The following NUP210L variants were observed in gnomAD, a reference collection of about 807,000 sequenced individuals.
NUP210L encodes nuclear pore membrane glycoprotein 210-like.
In NUP210L, 74 loss-of-function variants were observed where a neutral mutation model predicts 208.5. The ratio of observed to expected loss-of-function variants is 0.35; its 90% CI spans 0.29 to 0.43. The LOEUF is 0.43. Among genes scored for constraint, NUP210L ranks in the 20% least tolerant of loss-of-function variants. NUP210L has a pLI of 1.00. For missense variants in NUP210L, 1,843 were observed against 2,289.4 expected, an observed-to-expected ratio of 0.81 and a Z score of 3.98; for synonymous variants, 780 against 816.9, an observed-to-expected ratio of 0.95 and a Z score of 0.77.
chr1:154,126,540 A>G, intron 9 of NUP210L, 77 bp from the exon 10 acceptor site: 1 of 1,275,808 alleles, frequency 7.8e-7, no homozygotes, highest in Non-Finnish European at 1.1e-6. Flanking sequence ...CAAAGCATCT[A>G]TAAAACTGTA....
At chr1:154,104,259 C>T in intron 12 of NUP210L, 49 bp from the exon 13 acceptor site, 1 of 1,537,392 alleles carries the variant, frequency 6.5e-7, no homozygotes, top group Non-Finnish European at 9.0e-7. Context: ...AAAAAAAAGT[C>T]TTAGGAGGAG....
chr1:154,130,269 G>T (rs1323567126), intron 7 of NUP210L, among the ~76,000 whole-genome samples: 1 of 152,016 alleles, frequency 6.6e-6, no homozygotes, highest in South Asian at 2.1e-4. Context: ...AACCCAGGAG[G>T]CAGAGGTTGC....
intron 12 of NUP210L, among the ~76,000 whole-genome samples, chr1:154,112,241 T>A (rs1026906385): frequency 2.6e-5 from 4 of 152,114 alleles, no homozygotes; most frequent in Admixed American, 1.3e-4. Context: ...CAACACATTT[T>A]TTTTAAAAAT....
intron 1 of NUP210L, among the ~76,000 whole-genome samples, chr1:154,153,129 C>T (rs1393136499): frequency 6.6e-6 from 1 of 152,026 alleles, no homozygotes; most frequent in African/African-American, 2.4e-5. Context: ...ATTCTTCCCT[C>T]AGTATGCAGA....
At chr1:154,087,821 A>C (rs1655701045) in intron 16 of NUP210L, among the ~76,000 whole-genome samples, 2 of 152,210 alleles carry the variant, frequency 1.3e-5, no homozygotes, top group East Asian at 3.8e-4. Context: ...TAAATGAAAG[A>C]AGCTAGGCAC....
chr1:154,114,993 G>A (rs971851786), intron 12 of NUP210L, among the ~76,000 whole-genome samples: 9 of 152,016 alleles, frequency 5.9e-5, no homozygotes, highest in African/African-American at 9.6e-5. Flanking sequence ...CAATCAAATC[G>A]GATTGATTTA....
At chr1:154,130,008 C>T (rs1658163376) in intron 7 of NUP210L, among the ~76,000 whole-genome samples, 1 of 152,038 alleles carries the variant, frequency 6.6e-6, no homozygotes, top group African/African-American at 2.4e-5. Flanking sequence ...AAATATACTA[C>T]ATCCAAAAGC....
rs73012882 is a variant in NUP210L, at chr1:154,145,747, C to T, written c.341-2170G>A. ...TTAGAATTGAAGATATCAGTATGAG[C>T]TCATGTTTATTTTAATATCTATGCA... On this transcript the variant is annotated intron_variant, in intron 2 of 39. Transcript: ENST00000368559. Among the ~76,000 whole-genome samples, 327 of 152,174 alleles carry T rather than the reference C, an allele frequency of 2.1e-3. 1 individual carries two copies. Among genetic ancestry groups the T allele is most frequent in the African/African-American group, 7.6e-3 (314 of 41,538 alleles).
intron 17 of NUP210L, among the ~76,000 whole-genome samples, chr1:154,064,899 AC>A (rs1470638187): frequency 2.0e-5 from 3 of 151,790 alleles, no homozygotes; most frequent in African/African-American, 7.3e-5. Flanking sequence ...ACATAGTGAA[AC>A]CCTGTCTCTA....
intron 38 of NUP210L, among the ~76,000 whole-genome samples, chr1:153,993,707 A>G (rs1255572490): frequency 6.6e-6 from 1 of 151,834 alleles, no homozygotes; most frequent in Non-Finnish European, 1.5e-5. Context: ...GAGGTCAGGC[A>G]TTCAAGACCA....
intron 7 of NUP210L, among the ~76,000 whole-genome samples, chr1:154,133,477 C>T (rs1004016814): frequency 3.3e-5 from 5 of 150,002 alleles, no homozygotes; most frequent in African/African-American, 1.2e-4. Flanking sequence ...CTCAAGGCTA[C>T]TATGAGTTAT....
chr1:154,070,092 C>T (rs532319884), intron 17 of NUP210L, among the ~76,000 whole-genome samples, 181 bp downstream of exon 17: 11 of 152,182 alleles, frequency 7.2e-5, no homozygotes, highest in Non-Finnish European at 1.0e-4. Context: ...AGGAGAAATA[C>T]CTAATGTAAA....
At chr1:154,137,191 G>A (rs568681824) in intron 6 of NUP210L, among the ~76,000 whole-genome samples, 31 of 152,226 alleles carry the variant, frequency 2.0e-4, no homozygotes, top group South Asian at 1.5e-3. Flanking sequence ...GGGAGGCCAA[G>A]GTGGGAGAAT....
At position 154,019,080 on chromosome 1, in the gene NUP210L, A is replaced by G. The variant is rs751740675; in HGVS notation, c.4517-11T>C. On this transcript the variant is annotated splice_polypyrimidine_tract_variant and intron_variant, in intron 32 of 39. Coordinates refer to ENST00000368559, the Ensembl canonical transcript of NUP210L. ...ATATCCCAGGTTCACCTAGGAAAAGACAAGAGAAAACACTTGGCTGAAGCC... is the reference window on the plus strand; with the variant it reads ...ATATCCCAGGTTCACCTAGGAAAAGGCAAGAGAAAACACTTGGCTGAAGCC... The G allele has an allele frequency of 3.1e-6, 5 of 1,613,696 alleles. No individual in the cohort carries two copies. The African/African-American group carries it at 6.7e-5, about 22-fold the overall frequency.
chr1:154,066,452 A>G (rs914641076), intron 17 of NUP210L, among the ~76,000 whole-genome samples: 1 of 152,226 alleles, frequency 6.6e-6, no homozygotes, highest in Non-Finnish European at 1.5e-5. Context: ...TCTACTAAAA[A>G]TACAAAAAAT....
At chr1:154,077,995 GA>G (rs571552129) in intron 16 of NUP210L, among the ~76,000 whole-genome samples, 10 of 151,180 alleles carry the variant, frequency 6.6e-5, no homozygotes, top group African/African-American at 2.2e-4. Context: ...AAAGAAAAAA[GA>G]AAAAAATATT....
chr1:154,087,488 G>A (rs568282717), intron 16 of NUP210L, among the ~76,000 whole-genome samples: 1 of 152,270 alleles, frequency 6.6e-6, no homozygotes, highest in East Asian at 1.9e-4. Flanking sequence ...CACACTGCTA[G>A]TGGAAATGTA....
intron 2 of NUP210L, among the ~76,000 whole-genome samples, chr1:154,147,696 C>T (rs1248164137): frequency 2.0e-5 from 3 of 150,730 alleles, no homozygotes; most frequent in Non-Finnish European, 4.4e-5. Flanking sequence ...CTCTCTCTGT[C>T]GCAATGCAGT....
At chr1:154,112,606 AG>A in intron 12 of NUP210L, among the ~76,000 whole-genome samples, 1 of 152,150 alleles carries the variant, frequency 6.6e-6, no homozygotes, top group East Asian at 1.9e-4. Flanking sequence ...TAAAAATTAC[AG>A]CACTTTGGGA....
Sources: gnomAD v4.1 joint callset for allele counts (sites outside exome capture counted in the v4.1 genomes callset) on GRCh38, gnomAD v4.1.1 for gene constraint, MANE v1.5 for transcripts, NCBI Gene and HGNC (gene_info 2026-07-23, HGNC 2026-07-21) for gene names.